The following GPR158 variants were observed in gnomAD, a reference collection of about 807,000 sequenced individuals.
GPR158 encodes metabotropic glycine receptor.
In GPR158, 30 loss-of-function variants were observed where a neutral mutation model predicts 78.2. The ratio of observed to expected loss-of-function variants is 0.38; its 90% CI spans 0.29 to 0.52. The LOEUF (loss-of-function observed/expected upper bound fraction) is 0.52. GPR158 is among the 20% of genes least tolerant of loss of function. The pLI is 0.83. For synonymous variants in GPR158, 581 were observed against 591.1 expected (o/e 0.98, Z 0.25); for missense variants, 1,463 against 1,523.5 (o/e 0.96, Z 0.66).
chr10:25,426,267 A>G (rs148351222), intron 4 of GPR158, among the ~76,000 whole-genome samples: 1 of 152,136 alleles, frequency 6.6e-6, no homozygotes, highest in African/African-American at 2.4e-5. Context: ...AACTTTCTCC[A>G]TGTTAGCAAT....
chr10:25,199,130 G>GT (rs200104630), intron 1 of GPR158, among the ~76,000 whole-genome samples: 161 of 144,552 alleles, frequency 1.1e-3, no homozygotes, highest in Middle Eastern at 3.6e-3. Flanking sequence ...TAAAGTTTTT[G>GT]TTTTTTTTTT....
intron 2 of GPR158, among the ~76,000 whole-genome samples, chr10:25,383,663 A>G (rs1260930868): frequency 6.6e-6 from 1 of 152,208 alleles, no homozygotes; most frequent in Non-Finnish European, 1.5e-5. Context: ...TTTCATATGT[A>G]CATTTTCAAA....
chr10:25,536,540 A>C (rs181420569), intron 5 of GPR158, among the ~76,000 whole-genome samples: 1 of 152,318 alleles, frequency 6.6e-6, no homozygotes, highest in East Asian at 1.9e-4. Flanking sequence ...TTTGTCCTTT[A>C]TAAAAGAAAA....
intron 2 of GPR158, among the ~76,000 whole-genome samples, chr10:25,251,580 C>T (rs371977545): frequency 3.3e-5 from 5 of 149,988 alleles, no homozygotes; most frequent in South Asian, 2.2e-4. Flanking sequence ...TGAAGCTTAG[C>T]TTGGCTGGAT....
chr10:25,228,989 C>G (rs919323244), intron 2 of GPR158, among the ~76,000 whole-genome samples: 1 of 148,974 alleles, frequency 6.7e-6, no homozygotes. Flanking sequence ...GAGCTGAGAT[C>G]GTGCCACTGC....
chr10:25,377,517 T>A (rs1357107995), intron 2 of GPR158, among the ~76,000 whole-genome samples: 2 of 152,020 alleles, frequency 1.3e-5, no homozygotes, highest in Admixed American at 1.3e-4. Context: ...ACAGAAACCC[T>A]GTACTCATTA....
At chr10:25,340,654 G>T (rs907074651) in intron 2 of GPR158, among the ~76,000 whole-genome samples, 3 of 151,968 alleles carry the variant, frequency 2.0e-5, no homozygotes, top group African/African-American at 7.2e-5. Context: ...ATTAGAATTT[G>T]GGTCAGAAGA....
intron 1 of GPR158, among the ~76,000 whole-genome samples, chr10:25,185,116 A>G (rs928509903): frequency 6.6e-6 from 1 of 152,194 alleles, no homozygotes; most frequent in African/African-American, 2.4e-5. Context: ...CCTGTGGGGC[A>G]AAACTGCCTC....
chr10:25,206,555 T>G (rs554137886), intron 1 of GPR158, among the ~76,000 whole-genome samples: 17 of 152,104 alleles, frequency 1.1e-4, no homozygotes, highest in Non-Finnish European at 1.9e-4. Flanking sequence ...ATGCTCAGAG[T>G]TAATAATTGA....
chr10:25,485,071 A>G (rs1835716050), intron 5 of GPR158, among the ~76,000 whole-genome samples: 1 of 152,110 alleles, frequency 6.6e-6, no homozygotes, highest in Non-Finnish European at 1.5e-5. Context: ...AGAATATGCG[A>G]AATACCTAGA....
intron 1 of GPR158, among the ~76,000 whole-genome samples, chr10:25,207,893 T>C (rs1318669791): frequency 1.3e-5 from 2 of 152,242 alleles, no homozygotes; most frequent in Admixed American, 1.3e-4. Context: ...AGTGCTGCCT[T>C]TCCTAATTAA....
intron 2 of GPR158, among the ~76,000 whole-genome samples, chr10:25,263,916 G>A (rs1041728366): frequency 2.0e-5 from 3 of 152,156 alleles, no homozygotes; most frequent in Non-Finnish European, 2.9e-5. Flanking sequence ...CAGCCTCAGC[G>A]ACAGAGTGAG....
chr10:25,208,558 T>TTGTGTGTG (rs71399956), intron 1 of GPR158, among the ~76,000 whole-genome samples: 88 of 135,246 alleles, frequency 6.5e-4, no homozygotes, highest in Middle Eastern at 3.6e-3. Context: ...CTATGTGAAT[T>TTGTGTGTG]TGTGTGTGTG....
chr10:25,522,068 C>A (rs1836284852), intron 5 of GPR158, among the ~76,000 whole-genome samples: 1 of 152,186 alleles, frequency 6.6e-6, no homozygotes, highest in Non-Finnish European at 1.5e-5. Flanking sequence ...AAGCAGAGAA[C>A]AAGGGATCAG....
intron 2 of GPR158, among the ~76,000 whole-genome samples, chr10:25,275,035 T>C (rs1854164823): frequency 6.6e-6 from 1 of 152,218 alleles, no homozygotes; most frequent in Admixed American, 6.5e-5. Context: ...TAAATTATGC[T>C]ACTTTTCATG....
intron 5 of GPR158, among the ~76,000 whole-genome samples, chr10:25,525,948 A>G (rs1002785130): frequency 1.1e-4 from 16 of 151,894 alleles, no homozygotes; most frequent in African/African-American, 3.9e-4. Context: ...CTCTACTAAA[A>G]TACAAAAATT....
intron 2 of GPR158, among the ~76,000 whole-genome samples, chr10:25,263,909 C>T (rs934349237): frequency 1.3e-5 from 2 of 152,136 alleles, no homozygotes; most frequent in African/African-American, 4.8e-5. Flanking sequence ...TGCACTCCAG[C>T]CTCAGCGACA....
At chr10:25,316,762 TACC>T (rs1396775478) in intron 2 of GPR158, among the ~76,000 whole-genome samples, 7 of 152,038 alleles carry the variant, frequency 4.6e-5, no homozygotes, top group African/African-American at 9.7e-5. Flanking sequence ...GAAAATCACA[TACC>T]ATGCTTGTGA....
At chr10:25,586,837 A>G (rs927006723) in intron 7 of GPR158, among the ~76,000 whole-genome samples, 5 of 152,300 alleles carry the variant, frequency 3.3e-5, no homozygotes, top group African/African-American at 9.6e-5. Context: ...ACTGTTATGA[A>G]GAGTGTGTTA....
Sources: gnomAD v4.1 joint callset for allele counts (sites outside exome capture counted in the v4.1 genomes callset) on GRCh38, gnomAD v4.1.1 for gene constraint, MANE v1.5 for transcripts, NCBI Gene and HGNC (gene_info 2026-07-23, HGNC 2026-07-21) for gene names.